CSMD1: variants seen among roughly 807,000 people sequenced by gnomAD.
The protein encoded by CSMD1 is CUB and Sushi multiple domains 1, also known as CUB and sushi domain-containing protein 1.
A neutral mutation model predicts 417.5 loss-of-function variants in CSMD1; 213 were observed. The ratio of observed to expected loss-of-function variants is 0.51; its 90% CI spans 0.46 to 0.57. The LOEUF is 0.57. Among genes scored for constraint, CSMD1 ranks in the 20% least tolerant of loss-of-function variants. The pLI, the probability that CSMD1 is intolerant of heterozygous loss-of-function variation, is 0.00. For synonymous variants in CSMD1, 2,862 were observed against 1,736.8 expected (o/e 1.65, Z -16.11); for missense variants, 6,923 against 4,529.7 (o/e 1.53, Z -15.17).
intron 10 of CSMD1, among the ~76,000 whole-genome samples, chr8:3,535,667 C>T (rs7845068): frequency 0.034 from 5,161 of 152,274 alleles, 189 homozygotes; most frequent in East Asian, 0.13. Context: ...ACTACAAAAT[C>T]TATGCATGTA....
At chr8:3,645,566 G>A (rs955889573) in intron 7 of CSMD1, among the ~76,000 whole-genome samples, 1 of 152,196 alleles carries the variant, frequency 6.6e-6, no homozygotes, top group African/African-American at 2.4e-5. Flanking sequence ...GGAAGTGTCA[G>A]TCTTCTGCAA....
intron 3 of CSMD1, among the ~76,000 whole-genome samples, chr8:4,382,031 A>C (rs1309959748): frequency 2.0e-5 from 3 of 152,190 alleles, no homozygotes; most frequent in Non-Finnish European, 2.9e-5. Flanking sequence ...CTGGGGTCTG[A>C]ATTTCTGTTA....
intron 7 of CSMD1, among the ~76,000 whole-genome samples, chr8:3,667,506 C>G (rs1409699340): frequency 1.3e-5 from 2 of 151,954 alleles, no homozygotes; most frequent in Admixed American, 6.6e-5. Context: ...CTGGAGCCAA[C>G]TAGGGGATGG....
At chr8:3,408,590 A>G (rs576112689) in intron 13 of CSMD1, among the ~76,000 whole-genome samples, 1 of 151,590 alleles carries the variant, frequency 6.6e-6, no homozygotes, top group Admixed American at 6.6e-5. Flanking sequence ...TATCATAGGA[A>G]CAATTCAGCC....
chr8:3,325,576 C>G (rs28416693), intron 23 of CSMD1, among the ~76,000 whole-genome samples: 1 of 152,034 alleles, frequency 6.6e-6, no homozygotes, highest in Admixed American at 6.5e-5. Context: ...GTAATCCCAG[C>G]ACTTTGGGAG....
chr8:4,593,371 T>A (rs1800086934), intron 2 of CSMD1, among the ~76,000 whole-genome samples: 1 of 152,184 alleles, frequency 6.6e-6, no homozygotes. Flanking sequence ...GATAAAAAAT[T>A]AAGCATAATA....
chr8:4,314,811 G>A (rs1170751559), intron 3 of CSMD1, among the ~76,000 whole-genome samples: 3 of 152,118 alleles, frequency 2.0e-5, no homozygotes, highest in African/African-American at 4.8e-5. Flanking sequence ...AAAGACCACA[G>A]GAAAAGGGCA....
intron 5 of CSMD1, among the ~76,000 whole-genome samples, chr8:3,996,422 G>A (rs1815225691): frequency 7.0e-6 from 1 of 143,154 alleles, no homozygotes; most frequent in South Asian, 2.4e-4. Flanking sequence ...CTAAAGAGAT[G>A]CTTAATAAAT....
At chr8:4,225,192 C>T (rs1291508243) in intron 3 of CSMD1, among the ~76,000 whole-genome samples, 2 of 152,182 alleles carry the variant, frequency 1.3e-5, no homozygotes, top group African/African-American at 4.8e-5. Context: ...CACATGGCAA[C>T]TCAGCGCACA....
chr8:3,795,012 A>C (rs1321174999), intron 5 of CSMD1, among the ~76,000 whole-genome samples: 8 of 144,542 alleles, frequency 5.5e-5, no homozygotes, highest in Admixed American at 7.2e-5. Flanking sequence ...CTATAAATAC[A>C]TATCTATCAT....
At chr8:4,881,892 A>G (rs1186122629) in intron 1 of CSMD1, among the ~76,000 whole-genome samples, 1 of 152,000 alleles carries the variant, frequency 6.6e-6, no homozygotes, top group African/African-American at 2.4e-5. Flanking sequence ...GAGGCAGGGG[A>G]AAAACATTGA....
At chr8:3,884,127 C>T (rs962669756) in intron 5 of CSMD1, among the ~76,000 whole-genome samples, 7 of 152,210 alleles carry the variant, frequency 4.6e-5, no homozygotes, top group South Asian at 2.1e-4. Context: ...ATGTCAGTTT[C>T]GAATTTTTAT....
intron 7 of CSMD1, among the ~76,000 whole-genome samples, chr8:3,703,239 G>A (rs189046442): frequency 4.6e-5 from 7 of 152,240 alleles, no homozygotes; most frequent in Admixed American, 1.3e-4. Context: ...GACTACAGTC[G>A]CGCTGCCCTA....
At chr8:3,378,071 A>G (rs1286031884) in intron 18 of CSMD1, among the ~76,000 whole-genome samples, 1 of 152,216 alleles carries the variant, frequency 6.6e-6, no homozygotes, top group Admixed American at 6.6e-5. Context: ...ACATGTAAGG[A>G]TGAAGAAGGG....
At chr8:3,572,604 G>C (rs1216556272) in intron 10 of CSMD1, among the ~76,000 whole-genome samples, 1 of 152,094 alleles carries the variant, frequency 6.6e-6, no homozygotes, top group Non-Finnish European at 1.5e-5. Flanking sequence ...ATTCCTTTTA[G>C]CTATGTTTTC....
intron 5 of CSMD1, among the ~76,000 whole-genome samples, chr8:3,908,310 A>T (rs1808242613): frequency 6.6e-6 from 1 of 152,202 alleles, no homozygotes; most frequent in Admixed American, 6.5e-5. Flanking sequence ...CATGAAAGGA[A>T]ATGTGAAGAT....
chr8:4,227,545 G>T (rs1413016311), intron 3 of CSMD1, among the ~76,000 whole-genome samples: 1 of 152,024 alleles, frequency 6.6e-6, no homozygotes, highest in East Asian at 1.9e-4. Flanking sequence ...GAGAAGCAGG[G>T]GTGCCAGGAA....
At chr8:3,056,526 G>A (rs963791866) in intron 49 of CSMD1, among the ~76,000 whole-genome samples, 2 of 151,878 alleles carry the variant, frequency 1.3e-5, no homozygotes, top group African/African-American at 2.4e-5. Context: ...AGGCCACCAC[G>A]CCTGGCTATT....
At position 4,450,223 on chromosome 8, in the gene CSMD1, G is replaced by C. The variant is rs73660852; in HGVS notation, c.303-30158C>G. ...AGTTACAGAGTACCTATATGTGAGGGAGACTAAGATGAAAGCAAAGAGACA... is the reference window on the plus strand; with the variant it reads ...AGTTACAGAGTACCTATATGTGAGGCAGACTAAGATGAAAGCAAAGAGACA... On this transcript the variant is annotated intron_variant, in intron 2 of 69. Coordinates refer to ENST00000635120, the MANE Select transcript of CSMD1 (RefSeq NM_033225.6). Among the ~76,000 whole-genome samples the C allele has an allele frequency of 3.2e-3, 489 of 152,330 alleles. 3 individuals are homozygous for C. The highest frequency in any genetic ancestry group is 0.011 in the African/African-American group (467 of 41,580).
Sources: allele counts gnomAD v4.1 joint callset (sites outside exome capture counted in the v4.1 genomes callset), GRCh38; gene constraint gnomAD v4.1.1; transcripts MANE v1.5; gene names NCBI Gene and HGNC (gene_info 2026-07-23, HGNC 2026-07-21).